LRP1B: variants seen among roughly 807,000 people sequenced by gnomAD.
LRP1B encodes the protein LDL receptor related protein 1B.
LRP1B carries 217 observed loss-of-function variants against 556.6 expected under a neutral mutation model. The observed-to-expected ratio is 0.39, with a 90% CI of 0.35 to 0.44. LRP1B has a LOEUF of 0.44. Among genes scored for constraint, LRP1B ranks in the 20% least tolerant of loss-of-function variants. The pLI is 1.00. For missense variants in LRP1B, 5,053 were observed against 5,620.8 expected (o/e 0.90, Z 3.23); for synonymous variants, 2,047 against 1,865.8 (o/e 1.10, Z -2.50).
chr2:141,844,061 G>A (rs945910150), intron 1 of LRP1B, among the ~76,000 whole-genome samples: 2 of 152,078 alleles, frequency 1.3e-5, no homozygotes, highest in Non-Finnish European at 2.9e-5. Context: ...TATGAGCAAT[G>A]AAGAACTGGA....
chr2:140,305,777 T>C (rs769515088), intron 83 of LRP1B, among the ~76,000 whole-genome samples: 4 of 152,122 alleles, frequency 2.6e-5, no homozygotes, highest in Admixed American at 6.6e-5. Flanking sequence ...CAGTATGATA[T>C]TGGCTGTGGG....
In LRP1B at chr2:140,780,735, C is replaced by T. The variant is rs554903425; in HGVS notation, c.5360-4497G>A. 1.6e-4 allele frequency among the ~76,000 whole-genome samples: 25 copies of T among 152,264 alleles called. No individual in the cohort carries two copies. In the South Asian group the frequency reaches 5.2e-3, roughly 32 times the overall value. On this transcript the variant is annotated intron_variant, in intron 32 of 90. Coordinates refer to ENST00000389484, the MANE Select transcript of LRP1B (RefSeq NM_018557.3). Reference sequence around the variant, plus strand: ...GGGCCTGGGTTACATTCATTTAAAACTGAACATTTGAACACATCTCTATGG... The same window carrying T: ...GGGCCTGGGTTACATTCATTTAAAATTGAACATTTGAACACATCTCTATGG...
intron 1 of LRP1B, among the ~76,000 whole-genome samples, chr2:141,911,286 T>C (rs76929776): frequency 0.018 from 2,809 of 152,270 alleles, 83 homozygotes; most frequent in African/African-American, 0.065. Flanking sequence ...TATAATACTG[T>C]CAAAACAGTT....
At chr2:140,892,469 A>G (rs1187955248) in intron 23 of LRP1B, among the ~76,000 whole-genome samples, 1 of 152,184 alleles carries the variant, frequency 6.6e-6, no homozygotes, top group Non-Finnish European at 1.5e-5. Context: ...AATAAAACAA[A>G]CGCAAACAAA....
intron 32 of LRP1B, among the ~76,000 whole-genome samples, chr2:140,810,083 G>A (rs2046506): frequency 0.46 from 70,050 of 152,106 alleles, 17,335 homozygotes; most frequent in East Asian, 0.66. Context: ...GGTCTTGACT[G>A]AGTCATCAAA....
chr2:140,555,659 A>AT (rs1327700577), intron 43 of LRP1B, among the ~76,000 whole-genome samples: 1 of 152,024 alleles, frequency 6.6e-6, no homozygotes, highest in Non-Finnish European at 1.5e-5. Context: ...TTGAATCTTT[A>AT]TTTTTTAAAG....
chr2:141,805,370 A>C (rs1272382120), intron 2 of LRP1B: 2 of 152,106 alleles, frequency 1.3e-5, no homozygotes, highest in Non-Finnish European at 2.9e-5. Flanking sequence ...GAAAACCCCT[A>C]TTCAGTTAAG....
intron 41 of LRP1B, among the ~76,000 whole-genome samples, chr2:140,609,374 CCT>C (rs1163970062): frequency 6.6e-6 from 1 of 152,018 alleles, no homozygotes; most frequent in Middle Eastern, 3.2e-3. Flanking sequence ...TTCCTTTTCC[CCT>C]CTCTCTCTTA....
intron 41 of LRP1B, among the ~76,000 whole-genome samples, chr2:140,608,509 T>G (rs755160512): frequency 6.6e-6 from 1 of 152,222 alleles, no homozygotes; most frequent in Non-Finnish European, 1.5e-5. Flanking sequence ...CAATATTATC[T>G]TACTCTTTCT....
chr2:141,315,252 ATTTTTTTTTTT>A (rs34839276), intron 3 of LRP1B, among the ~76,000 whole-genome samples: 2 of 77,164 alleles, frequency 2.6e-5, no homozygotes, highest in Non-Finnish European at 4.5e-5. Context: ...AATGATTGTA[ATTTTTTTTTTT>A]TTTTTTTTTT....
intron 83 of LRP1B, among the ~76,000 whole-genome samples, chr2:140,303,032 T>C (rs913484000): frequency 1.4e-5 from 2 of 143,024 alleles, no homozygotes; most frequent in Non-Finnish European, 3.0e-5. Context: ...TATATATATA[T>C]ATATATATAT....
chr2:140,928,826 C>T (rs1254682655), intron 20 of LRP1B, among the ~76,000 whole-genome samples: 1 of 151,888 alleles, frequency 6.6e-6, no homozygotes, highest in African/African-American at 2.4e-5. Flanking sequence ...ACAAAGAACA[C>T]ACAGAAGGAA....
chr2:140,940,282 A>C (rs1695359322), intron 20 of LRP1B, among the ~76,000 whole-genome samples: 1 of 152,174 alleles, frequency 6.6e-6, no homozygotes, highest in South Asian at 2.1e-4. Flanking sequence ...GTTTATTTCA[A>C]AAATGGCTTA....
chr2:140,885,858 C>A (rs1260953373), intron 24 of LRP1B, among the ~76,000 whole-genome samples: 53 of 146,580 alleles, frequency 3.6e-4, no homozygotes, highest in African/African-American at 1.2e-3. Context: ...TGGTATGTAA[C>A]AACCAGTCTT....
chr2:140,968,227 A>G (rs1441800723), intron 18 of LRP1B, among the ~76,000 whole-genome samples: 1 of 151,806 alleles, frequency 6.6e-6, no homozygotes, highest in East Asian at 1.9e-4. Context: ...TGGTCTATTC[A>G]GGGATTCAAC....
intron 32 of LRP1B, among the ~76,000 whole-genome samples, chr2:140,797,157 A>G (rs1173128253): frequency 2.6e-5 from 4 of 152,106 alleles, no homozygotes; most frequent in African/African-American, 7.2e-5. Context: ...ATTATAGTCC[A>G]TATTCCGTGA....
At chr2:140,352,635 C>T (rs954754311) in intron 76 of LRP1B, among the ~76,000 whole-genome samples, 15 of 151,974 alleles carry the variant, frequency 9.9e-5, no homozygotes, top group African/African-American at 3.6e-4. Context: ...TTCTCATATT[C>T]CCTTAGAGCA....
intron 6 of LRP1B, among the ~76,000 whole-genome samples, chr2:141,203,118 G>T (rs1053975649): frequency 1.3e-5 from 2 of 152,130 alleles, no homozygotes; most frequent in South Asian, 2.1e-4. Flanking sequence ...ACACTATGAA[G>T]AAACTACATC....
chr2:141,918,854 G>C (rs993312847), intron 1 of LRP1B, among the ~76,000 whole-genome samples: 1 of 152,086 alleles, frequency 6.6e-6, no homozygotes, highest in Non-Finnish European at 1.5e-5. Context: ...CATGGCCCCT[G>C]TTCTTTCAAG....
Sources: allele counts gnomAD v4.1 joint callset (sites outside exome capture counted in the v4.1 genomes callset), GRCh38; gene constraint gnomAD v4.1.1; transcripts MANE v1.5; gene names NCBI Gene and HGNC (gene_info 2026-07-23, HGNC 2026-07-21).